RBFOX1: variants seen among roughly 807,000 people sequenced by gnomAD.
RBFOX1 encodes the protein RNA binding fox-1 homolog 1, also known as RNA binding protein fox-1 homolog 1.
Under a neutral mutation model 57.7 loss-of-function variants are expected in RBFOX1, and 8 were observed. The observed-to-expected ratio is 0.14, with a 90% CI of 0.08 to 0.25. RBFOX1 has a LOEUF of 0.25. Ranked by LOEUF, RBFOX1 falls within the 10% of genes least tolerant of loss-of-function variation. The pLI, the probability that RBFOX1 is intolerant of heterozygous loss-of-function variation, is 1.00. For synonymous variants in RBFOX1, 326 were observed against 222.4 expected (o/e 1.47, Z -4.15); for missense variants, 611 against 548.5 (o/e 1.11, Z -1.14).
intron 4 of RBFOX1, among the ~76,000 whole-genome samples, chr16:7,057,332 C>G (rs2052658952): frequency 6.6e-6 from 1 of 152,136 alleles, no homozygotes; most frequent in East Asian, 1.9e-4. Flanking sequence ...ACCAGGCCTC[C>G]CAGGAATCAG....
chr16:6,277,030 G>A (rs779674391), intron 1 of RBFOX1, among the ~76,000 whole-genome samples: 54 of 152,106 alleles, frequency 3.6e-4, no homozygotes, highest in Non-Finnish European at 6.9e-4. Context: ...TTAAATGAGT[G>A]TTTTTATCTT....
chr16:7,085,476 A>G (rs936417024), intron 4 of RBFOX1, among the ~76,000 whole-genome samples: 3 of 152,290 alleles, frequency 2.0e-5, no homozygotes, highest in Admixed American at 6.5e-5. Context: ...CCGTCAGGGT[A>G]TTTGCTGGCA....
intron 1 of RBFOX1, among the ~76,000 whole-genome samples, chr16:6,116,608 T>A (rs2096498043): frequency 6.6e-6 from 1 of 152,176 alleles, no homozygotes; most frequent in Non-Finnish European, 1.5e-5. Flanking sequence ...GAGGAACTTC[T>A]GAAGCTAAAA....
intron 1 of RBFOX1, among the ~76,000 whole-genome samples, chr16:5,456,257 C>A (rs1215771044): frequency 3.3e-5 from 5 of 152,048 alleles, no homozygotes; most frequent in African/African-American, 1.2e-4. Context: ...TATGAACGTG[C>A]TATACTTCAT....
chr16:7,133,105 T>G (rs1349932488), intron 4 of RBFOX1, among the ~76,000 whole-genome samples: 1 of 152,170 alleles, frequency 6.6e-6, no homozygotes, highest in Non-Finnish European at 1.5e-5. Flanking sequence ...GATATTATGG[T>G]TTGTATGCAT....
intron 4 of RBFOX1, among the ~76,000 whole-genome samples, chr16:7,403,270 C>G (rs577641688): frequency 8.5e-5 from 13 of 152,230 alleles, no homozygotes; most frequent in South Asian, 4.1e-4. Flanking sequence ...CAGCAAACTT[C>G]AAGTATACAA....
chr16:5,883,647 C>T (rs565115502), intron 4 of RBFOX1, among the ~76,000 whole-genome samples: 1 of 152,264 alleles, frequency 6.6e-6, no homozygotes, highest in Non-Finnish European at 1.5e-5. Context: ...GAGGCTCTGT[C>T]TAATAAGCCT....
chr16:7,210,497 C>G (rs191902214), intron 4 of RBFOX1, among the ~76,000 whole-genome samples: 2 of 152,144 alleles, frequency 1.3e-5, no homozygotes, highest in Non-Finnish European at 2.9e-5. Flanking sequence ...AGGTGTTATT[C>G]ATATCTATAA....
At chr16:7,217,095 T>C (rs1424149214) in intron 4 of RBFOX1, among the ~76,000 whole-genome samples, 1 of 129,196 alleles carries the variant, frequency 7.7e-6, no homozygotes, top group Non-Finnish European at 1.6e-5. Flanking sequence ...TGTTTCCCTT[T>C]CCTTCCCTTC....
intron 4 of RBFOX1, among the ~76,000 whole-genome samples, chr16:5,928,593 C>G (rs2152242417): frequency 6.6e-6 from 1 of 152,062 alleles, no homozygotes; most frequent in Admixed American, 6.5e-5. Flanking sequence ...ATATGTTCCT[C>G]CTGCCACCAC....
chr16:6,559,192 C>G (rs1481848914), intron 2 of RBFOX1, among the ~76,000 whole-genome samples: 1 of 151,794 alleles, frequency 6.6e-6, no homozygotes, highest in African/African-American at 2.4e-5. Flanking sequence ...TACACAAACA[C>G]ACACTCACAT....
At chr16:6,521,782 T>A (rs1421866879) in intron 2 of RBFOX1, among the ~76,000 whole-genome samples, 1 of 152,184 alleles carries the variant, frequency 6.6e-6, no homozygotes, top group Non-Finnish European at 1.5e-5. Flanking sequence ...CTATCTCCTG[T>A]ACAACTGTGA....
At chr16:6,422,158 C>T (rs374265181) in intron 2 of RBFOX1, among the ~76,000 whole-genome samples, 11 of 151,486 alleles carry the variant, frequency 7.3e-5, no homozygotes, top group African/African-American at 1.7e-4. Context: ...CCTGACCTTA[C>T]GTAATCTGCC....
Position 6,664,202 on chromosome 16 carries a change from C to G in RBFOX1, c.-16+9552C>G, listed in dbSNP as rs549766203. Among the ~76,000 whole-genome samples, 31 of 151,782 alleles carry G rather than the reference C, an allele frequency of 2.0e-4. 2 individuals carry two copies. In the Middle Eastern group the frequency reaches 0.01, roughly 50 times the overall value. ...ATGGGACAAAGAGATCTAACACCAG[C>G]AAAGCTTTTTGCTGTGTCGCTTGGC... On this transcript the variant is annotated intron_variant, in intron 3 of 15. Coordinates refer to ENST00000550418, the MANE Select transcript of RBFOX1 (RefSeq NM_018723.4).
intron 2 of RBFOX1, among the ~76,000 whole-genome samples, chr16:5,534,893 T>C (rs572485986): frequency 6.6e-6 from 1 of 152,310 alleles, no homozygotes; most frequent in South Asian, 2.1e-4. Flanking sequence ...GCTACAGATA[T>C]GGGTCGCCAT....
At chr16:6,632,634 G>C (rs772462099) in intron 2 of RBFOX1, among the ~76,000 whole-genome samples, 3 of 152,158 alleles carry the variant, frequency 2.0e-5, no homozygotes, top group Non-Finnish European at 4.4e-5. Flanking sequence ...TGTTTTGCTT[G>C]AGCTATTCCA....
At chr16:6,726,670 G>T (rs531848667) in intron 3 of RBFOX1, among the ~76,000 whole-genome samples, 101 of 152,248 alleles carry the variant, frequency 6.6e-4, no homozygotes, top group Non-Finnish European at 1.2e-3. Flanking sequence ...CTAGCTTGCT[G>T]ATCAGCGTCT....
At chr16:7,649,776 C>G (rs77520059) in intron 11 of RBFOX1, among the ~76,000 whole-genome samples, 2 of 152,150 alleles carry the variant, frequency 1.3e-5, no homozygotes, top group Admixed American at 1.3e-4. Context: ...ACCACCCTTA[C>G]GCAGCTTGCA....
At chr16:5,825,800 T>G (rs62014135) in intron 3 of RBFOX1, among the ~76,000 whole-genome samples, 748 of 57,102 alleles carry the variant, frequency 0.013, 17 homozygotes, top group East Asian at 0.033. Flanking sequence ...ATAATATTCC[T>G]TAATATGAAT....
Sources: gnomAD v4.1 joint callset for allele counts (sites outside exome capture counted in the v4.1 genomes callset) on GRCh38, gnomAD v4.1.1 for gene constraint, MANE v1.5 for transcripts, NCBI Gene and HGNC (gene_info 2026-07-23, HGNC 2026-07-21) for gene names.